Variants in ENPP6 observed in about 807,000 individuals in gnomAD.
ENPP6 encodes the protein ectonucleotide pyrophosphatase/phosphodiesterase 6, also known as glycerophosphocholine cholinephosphodiesterase ENPP6.
A neutral mutation model predicts 42.0 loss-of-function variants in ENPP6; 32 were observed. That is an observed-to-expected ratio of 0.76 (90% confidence interval 0.58 to 1.02). The LOEUF (loss-of-function observed/expected upper bound fraction) is 1.02, where lower values mean the gene tolerates loss of function less well. Among genes scored for constraint, ENPP6 ranks in the 50% least tolerant of loss-of-function variants. The probability of loss-of-function intolerance (pLI) is 0.00; values close to 1 mark genes in which losing one functional copy is unlikely to be tolerated. For missense variants in ENPP6, 552 were observed against 566.8 expected (o/e 0.97, Z 0.27); for synonymous variants, 213 against 216.0 (o/e 0.99, Z 0.12).
At chr4:184,167,642 C>G (rs906300935) in intron 1 of ENPP6, among the ~76,000 whole-genome samples, 26 of 152,250 alleles carry the variant, frequency 1.7e-4, no homozygotes, top group African/African-American at 6.3e-4. Context: ...TTTTTGCTAG[C>G]TTGGTTAGTT....
chr4:184,202,298 A>C (rs543889041), intron 1 of ENPP6, among the ~76,000 whole-genome samples: 17 of 152,322 alleles, frequency 1.1e-4, no homozygotes, highest in African/African-American at 3.8e-4. Context: ...GCATCTGTTC[A>C]GGCTCTTCTT....
At chr4:184,123,957 T>G (rs1441341354) in intron 3 of ENPP6, among the ~76,000 whole-genome samples, 1 of 152,230 alleles carries the variant, frequency 6.6e-6, no homozygotes, top group African/African-American at 2.4e-5. Context: ...CTGCTCTCAA[T>G]TCAACATTTC....
In ENPP6 at chr4:184,091,318, A is replaced by G. The variant is rs773246240; in HGVS notation, c.1182T>C (p.Asn394=). 29 of 1,614,016 alleles carry G rather than the reference A, an allele frequency of 1.8e-5. No individual in the cohort carries two copies. Among genetic ancestry groups the G allele is most frequent in the Non-Finnish European group, 2.3e-5 (27 of 1,180,016 alleles). ...TGGGCAGCGGGGTGATGCCCACCAC[A>G]TTGCACATGACATTGTAGACGTCCA... ...RSVDVYNVMC[N]VVGITPLPNN... The change falls in exon 8 of 8, where the codon AAT becomes AAC. Residue 394 remains asparagine, a synonymous_variant. Coordinates refer to ENST00000296741, the MANE Select transcript of ENPP6 (RefSeq NM_153343.4).
intron 2 of ENPP6, among the ~76,000 whole-genome samples, chr4:184,137,008 G>A (rs1462474457): frequency 2.0e-5 from 3 of 152,120 alleles, no homozygotes; most frequent in Admixed American, 1.3e-4. Flanking sequence ...AAGCTGGATA[G>A]CTCTGTCTTT....
chr4:184,147,637 C>T (rs1736950321), intron 2 of ENPP6, among the ~76,000 whole-genome samples: 1 of 151,834 alleles, frequency 6.6e-6, no homozygotes. Flanking sequence ...CCCATCTCTA[C>T]AAAACGTAAA....
chr4:184,153,842 A>G, intron 1 of ENPP6, 109 bp from the exon 2 acceptor site: 2 of 1,242,198 alleles, frequency 1.6e-6, no homozygotes, highest in Non-Finnish European at 2.2e-6. Flanking sequence ...AGTACAGAAC[A>G]GCATAAAGAT....
At chr4:184,162,391 T>G (rs1428915450) in intron 1 of ENPP6, among the ~76,000 whole-genome samples, 5 of 152,234 alleles carry the variant, frequency 3.3e-5, no homozygotes, top group Non-Finnish European at 7.3e-5. Context: ...CTTGAATGAA[T>G]ATGTGAAAGT....
chr4:184,104,004 CTTCTT>C (rs967848610), intron 6 of ENPP6, among the ~76,000 whole-genome samples: 3 of 140,996 alleles, frequency 2.1e-5, no homozygotes, highest in African/African-American at 7.8e-5. Context: ...GGGTTTCTTT[CTTCTT>C]TTCTTTTCTT....
chr4:184,102,338 C>T (rs995954890), intron 6 of ENPP6, among the ~76,000 whole-genome samples: 1 of 152,128 alleles, frequency 6.6e-6, no homozygotes, highest in East Asian at 1.9e-4. Flanking sequence ...CAGGACGAGG[C>T]GAGGAGCACT....
intron 1 of ENPP6, among the ~76,000 whole-genome samples, chr4:184,183,206 A>G (rs1285543750): frequency 1.3e-5 from 2 of 152,218 alleles, no homozygotes; most frequent in African/African-American, 4.8e-5. Context: ...CATGCTTCCT[A>G]TTAGTTCTAA....
intron 1 of ENPP6, among the ~76,000 whole-genome samples, chr4:184,194,055 T>C (rs115125921): frequency 1.3e-5 from 2 of 152,150 alleles, no homozygotes; most frequent in South Asian, 2.1e-4. Flanking sequence ...CTTTGATACC[T>C]CTTCTTCCAC....
At chr4:184,201,814 C>T (rs962750478) in intron 1 of ENPP6, among the ~76,000 whole-genome samples, 2 of 152,132 alleles carry the variant, frequency 1.3e-5, no homozygotes, top group African/African-American at 4.8e-5. Context: ...GACACCTCGC[C>T]TACCATGCCT....
intron 2 of ENPP6, among the ~76,000 whole-genome samples, chr4:184,149,870 T>C (rs185892716): frequency 4.6e-5 from 7 of 152,336 alleles, no homozygotes; most frequent in Non-Finnish European, 8.8e-5. Context: ...TATTCTCCCA[T>C]ATTCCCTATT....
At chr4:184,164,560 T>C (rs1380987627) in intron 1 of ENPP6, among the ~76,000 whole-genome samples, 2 of 152,134 alleles carry the variant, frequency 1.3e-5, no homozygotes, top group Admixed American at 6.5e-5. Flanking sequence ...AGACAACACC[T>C]GGGGCTACGA....
At chr4:184,157,570 CTTTCCTTTT>C (rs999363232) in intron 1 of ENPP6, among the ~76,000 whole-genome samples, 11 of 140,126 alleles carry the variant, frequency 7.9e-5, no homozygotes, top group East Asian at 4.1e-4. Flanking sequence ...TCTTTCCTTT[CTTTCCTTTT>C]TTTCCTTCCT....
chr4:184,146,981 T>C (rs1355705756), intron 2 of ENPP6, among the ~76,000 whole-genome samples: 2 of 152,184 alleles, frequency 1.3e-5, no homozygotes, highest in Non-Finnish European at 2.9e-5. Flanking sequence ...CACAGCTGCA[T>C]TGACCTCTGA....
At chr4:184,201,046 G>A (rs933687290) in intron 1 of ENPP6, among the ~76,000 whole-genome samples, 19 of 152,112 alleles carry the variant, frequency 1.2e-4, no homozygotes, top group Non-Finnish European at 2.5e-4. Context: ...CCTTGCTGTC[G>A]AAAGGGCTGA....
At position 184,217,727 on chromosome 4, in the gene ENPP6, C is replaced by G; in HGVS notation, c.93G>C (p.Leu31=). The stretch of plus-strand genomic sequence containing the variant: ...TGATGTAGTCTGAGCGAAAACCATC[C>G]AGCAGAAACACCAGCAGCTTCCGGC... ...SARRKLLVFL[L]DGFRSDYISD... The change falls in exon 1 of 8, where the codon CTG becomes CTC. Residue 31 remains leucine (L), a synonymous_variant. Coordinates refer to ENST00000296741, the MANE Select transcript of ENPP6 (RefSeq NM_153343.4). The G allele has an allele frequency of 1.2e-6, 2 of 1,614,194 alleles. No homozygotes were observed. Among genetic ancestry groups the G allele is most frequent in the Non-Finnish European group, 1.7e-6 (2 of 1,180,032 alleles).
chr4:184,193,568 G>A (rs1226940903), intron 1 of ENPP6, among the ~76,000 whole-genome samples: 1 of 152,154 alleles, frequency 6.6e-6, no homozygotes, highest in East Asian at 1.9e-4. Flanking sequence ...GCACATCTCT[G>A]TAAATATACT....
Sources: gnomAD v4.1 joint callset for allele counts (sites outside exome capture counted in the v4.1 genomes callset) on GRCh38, gnomAD v4.1.1 for gene constraint, MANE v1.5 for transcripts, NCBI Gene and HGNC (gene_info 2026-07-23, HGNC 2026-07-21) for gene names.